The following CTNND2 variants were observed in gnomAD, a reference collection of about 807,000 sequenced individuals.
CTNND2 encodes the protein catenin delta-2.
CTNND2 carries 22 observed loss-of-function variants against 144.4 expected under a neutral mutation model. The observed-to-expected ratio is 0.15, with a 90% CI of 0.11 to 0.22. The LOEUF (loss-of-function observed/expected upper bound fraction) is 0.22. Ranked by LOEUF, CTNND2 falls within the 10% of genes least tolerant of loss-of-function variation. The pLI is 1.00. For synonymous variants in CTNND2, 751 were observed against 695.6 expected (o/e 1.08, Z -1.25); for missense variants, 1,353 against 1,618.8 (o/e 0.84, Z 2.82).
chr5:11,600,699 C>G (rs1335984969), intron 2 of CTNND2, among the ~76,000 whole-genome samples: 1 of 108,244 alleles, frequency 9.2e-6, no homozygotes, highest in East Asian at 2.3e-4. Context: ...GAGCAAGATT[C>G]TGTCTCAAAA....
intron 9 of CTNND2, among the ~76,000 whole-genome samples, chr5:11,326,002 G>T (rs945682097): frequency 6.6e-6 from 1 of 152,118 alleles, no homozygotes; most frequent in Non-Finnish European, 1.5e-5. Context: ...GTGAACATGG[G>T]ATGTGTGCTG....
At chr5:11,818,759 G>A (rs1463589959) in intron 1 of CTNND2, among the ~76,000 whole-genome samples, 2 of 152,086 alleles carry the variant, frequency 1.3e-5, no homozygotes, top group Admixed American at 6.5e-5. Context: ...ACATCAAAGA[G>A]TCTACCTAAG....
chr5:11,166,070 A>AT (rs963174239), intron 11 of CTNND2, among the ~76,000 whole-genome samples: 2 of 152,178 alleles, frequency 1.3e-5, no homozygotes, highest in Non-Finnish European at 2.9e-5. Flanking sequence ...GCTGGGCTTC[A>AT]TTCATTTTAA....
chr5:11,184,508 T>C (rs1735422410), intron 11 of CTNND2, among the ~76,000 whole-genome samples: 1 of 152,206 alleles, frequency 6.6e-6, no homozygotes, highest in African/African-American at 2.4e-5. Context: ...TTTTAACTAA[T>C]ATGTATCATA....
At chr5:11,438,408 T>C (rs1041070354) in intron 3 of CTNND2, among the ~76,000 whole-genome samples, 7 of 152,232 alleles carry the variant, frequency 4.6e-5, no homozygotes, top group African/African-American at 1.4e-4. Flanking sequence ...ATGGGCTGTC[T>C]GGGAAGCAGT....
intron 16 of CTNND2, among the ~76,000 whole-genome samples, chr5:11,070,271 A>G (rs927974516): frequency 2.6e-5 from 4 of 152,220 alleles, no homozygotes; most frequent in African/African-American, 9.6e-5. Flanking sequence ...AATGGAAACT[A>G]TAAGACATAA....
At chr5:11,338,189 G>A (rs1250035177) in intron 9 of CTNND2, among the ~76,000 whole-genome samples, 2 of 152,272 alleles carry the variant, frequency 1.3e-5, no homozygotes, top group East Asian at 1.9e-4. Flanking sequence ...AGAAGGAGGC[G>A]AACATGTGAA....
chr5:11,460,891 A>G (rs1166510774), intron 3 of CTNND2, among the ~76,000 whole-genome samples: 1 of 152,160 alleles, frequency 6.6e-6, no homozygotes, highest in Non-Finnish European at 1.5e-5. Flanking sequence ...TCTACTAAAA[A>G]TACAAAAATT....
chr5:11,587,751 A>G (rs1356704125), intron 2 of CTNND2, among the ~76,000 whole-genome samples: 1 of 152,140 alleles, frequency 6.6e-6, no homozygotes, highest in Admixed American at 6.5e-5. Flanking sequence ...GACTTTATAA[A>G]TACTAAAGAA....
At position 11,128,868 on chromosome 5, in the gene CTNND2, T is replaced by C. The variant is rs1159690334; in HGVS notation, c.2160-11301A>G. Among the ~76,000 whole-genome samples the C allele has an allele frequency of 6.7e-4, 46 of 69,134 alleles. 6 individuals carry two copies. The highest frequency in any genetic ancestry group is 2.3e-3 in the African/African-American group (46 of 20,026). The allele number at this position is 69,134 out of a possible 152,430, so 45.4% of individuals were successfully genotyped here. On this transcript the variant is annotated intron_variant, in intron 12 of 21. Transcript: ENST00000304623. ...TATAATATATATAATATATATAATA[T>C]ATAAATATATAATACATAAATATAT... is the stretch of plus-strand genomic sequence containing the variant.
At chr5:11,311,721 T>C (rs1199043515) in intron 9 of CTNND2, among the ~76,000 whole-genome samples, 1 of 137,566 alleles carries the variant, frequency 7.3e-6, no homozygotes, top group Non-Finnish European at 1.6e-5. Context: ...ACACTCCCCA[T>C]GCACCCTCAC....
At chr5:11,178,085 T>C (rs1760651515) in intron 11 of CTNND2, among the ~76,000 whole-genome samples, 1 of 152,184 alleles carries the variant, frequency 6.6e-6, no homozygotes, top group South Asian at 2.1e-4. Context: ...TGGTTTTATA[T>C]TGTTTAGGAT....
chr5:11,071,394 C>T (rs529948654), intron 16 of CTNND2, among the ~76,000 whole-genome samples: 2,365 of 152,116 alleles, frequency 0.016, 63 homozygotes, highest in African/African-American at 0.054. Flanking sequence ...AAAAATTAGT[C>T]AGGCATGGTG....
intron 18 of CTNND2, among the ~76,000 whole-genome samples, chr5:11,015,388 C>T (rs1013245353): frequency 2.0e-5 from 3 of 152,154 alleles, no homozygotes; most frequent in Non-Finnish European, 4.4e-5. Flanking sequence ...AGCTCTTTCT[C>T]GATATTTTTA....
intron 12 of CTNND2, among the ~76,000 whole-genome samples, chr5:11,154,350 T>C (rs540523546): frequency 6.6e-6 from 1 of 152,136 alleles, no homozygotes; most frequent in Non-Finnish European, 1.5e-5. Flanking sequence ...AGTCAAGAGG[T>C]TGGATATGAA....
chr5:11,182,017 GGCGTGTGTGATGT>G (rs1735089186), intron 11 of CTNND2, among the ~76,000 whole-genome samples: 1 of 44,048 alleles, frequency 2.3e-5, no homozygotes. Context: ...GGGTGTGTGT[GGCGTGTGTGATGT>G]ATGTGTGGTG....
chr5:11,407,867 A>G (rs1338029353), intron 5 of CTNND2, among the ~76,000 whole-genome samples: 2 of 151,988 alleles, frequency 1.3e-5, no homozygotes, highest in Non-Finnish European at 2.9e-5. Flanking sequence ...TAAATATGGT[A>G]TACGGTTGTT....
At chr5:11,799,028 C>T (rs535318304) in intron 1 of CTNND2, among the ~76,000 whole-genome samples, 2 of 152,266 alleles carry the variant, frequency 1.3e-5, no homozygotes, top group African/African-American at 2.4e-5. Flanking sequence ...ATACTTGAGG[C>T]TGAATCCTGG....
At chr5:11,346,291 A>C (rs1044351423) in intron 9 of CTNND2, 81 bp downstream of exon 9, 8 of 1,276,990 alleles carry the variant, frequency 6.3e-6, no homozygotes, top group Non-Finnish European at 8.2e-6. Flanking sequence ...ACATAAATGC[A>C]ACATGACGTG....
Sources: allele counts gnomAD v4.1 joint callset (sites outside exome capture counted in the v4.1 genomes callset), GRCh38; gene constraint gnomAD v4.1.1; transcripts MANE v1.5; gene names NCBI Gene and HGNC (gene_info 2026-07-23, HGNC 2026-07-21).